GPC6: variants seen among roughly 807,000 people sequenced by gnomAD.
The protein encoded by GPC6 is glypican-6.
GPC6 carries 14 observed loss-of-function variants against 55.2 expected under a neutral mutation model. The observed-to-expected ratio is 0.25, with a 90% CI of 0.17 to 0.40. The LOEUF (loss-of-function observed/expected upper bound fraction) is 0.40. Among genes scored for constraint, GPC6 ranks in the 10% least tolerant of loss-of-function variants. GPC6 has a pLI of 1.00. For missense variants in GPC6, 641 were observed against 708.5 expected, an observed-to-expected ratio of 0.90 and a Z score of 1.08; for synonymous variants, 278 against 259.6, an observed-to-expected ratio of 1.07 and a Z score of -0.68.
chr13:94,250,652 A>AG lies in GPC6; in HGVS notation c.878-35697_878-35696insG, dbSNP rs1891320289. 2.0e-5 allele frequency among the ~76,000 whole-genome samples: 3 copies of AG among 152,158 alleles called. No homozygotes were observed. The East Asian group carries it at 5.8e-4, about 29-fold the overall frequency. ...CTACCAGTTTCCTGAAGGAGACTTG[A>AG]TTACAACTCCCCTGTGAGAAAAACA... On this transcript the variant is annotated intron_variant, in intron 4 of 8. Transcript: ENST00000377047.
At chr13:94,273,029 A>G (rs1318842195) in intron 4 of GPC6, among the ~76,000 whole-genome samples, 1 of 152,062 alleles carries the variant, frequency 6.6e-6, no homozygotes. Context: ...TTCCACATAA[A>G]CTTTGTGAGG....
intron 3 of GPC6, among the ~76,000 whole-genome samples, chr13:93,870,482 T>C (rs770944969): frequency 3.5e-4 from 53 of 151,844 alleles, no homozygotes; most frequent in Non-Finnish European, 3.7e-4. Context: ...AGTCCAATTG[T>C]TTTTCTAGTT....
intron 6 of GPC6, among the ~76,000 whole-genome samples, chr13:94,371,549 C>A (rs1441936676): frequency 1.3e-5 from 2 of 152,074 alleles, no homozygotes; most frequent in Non-Finnish European, 2.9e-5. Context: ...ATTTTAGCAC[C>A]GTCAGAGTTG....
chr13:93,821,783 G>GC (rs1209225258), intron 2 of GPC6, among the ~76,000 whole-genome samples: 1 of 151,914 alleles, frequency 6.6e-6, no homozygotes, highest in African/African-American at 2.4e-5. Flanking sequence ...CAAAGTCAGG[G>GC]CCCCCCTGTC....
intron 4 of GPC6, among the ~76,000 whole-genome samples, chr13:94,195,660 T>C (rs1889548928): frequency 1.3e-5 from 2 of 152,200 alleles, no homozygotes. Context: ...AATAAAGAAC[T>C]CAGTGCAATA....
At chr13:93,810,730 T>C (rs1202027808) in intron 2 of GPC6, among the ~76,000 whole-genome samples, 2 of 152,232 alleles carry the variant, frequency 1.3e-5, no homozygotes, top group Non-Finnish European at 2.9e-5. Flanking sequence ...TATTGTGGAA[T>C]ATTTTGCTCT....
At chr13:93,317,168 A>G (rs769159536) in intron 1 of GPC6, among the ~76,000 whole-genome samples, 1 of 152,090 alleles carries the variant, frequency 6.6e-6, no homozygotes, top group Non-Finnish European at 1.5e-5. Flanking sequence ...TCCTGCGTTC[A>G]GAAATCAAAT....
intron 4 of GPC6, among the ~76,000 whole-genome samples, chr13:94,082,849 G>A (rs1044403835): frequency 1.3e-4 from 20 of 152,310 alleles, no homozygotes; most frequent in African/African-American, 4.1e-4. Context: ...CGGACATGCA[G>A]TTTATCATCA....
intron 2 of GPC6, among the ~76,000 whole-genome samples, chr13:93,679,636 CACAA>C (rs559829525): frequency 4.6e-5 from 7 of 152,206 alleles, no homozygotes; most frequent in Admixed American, 1.3e-4. Context: ...ATGATTTCAT[CACAA>C]ACAGTGTATC....
intron 3 of GPC6, among the ~76,000 whole-genome samples, chr13:93,909,037 T>A (rs112396999): frequency 1.2e-4 from 19 of 152,330 alleles, no homozygotes; most frequent in African/African-American, 4.6e-4. Context: ...ATTTATTATC[T>A]TTCTGTCTTT....
At chr13:93,507,061 CAAAAAAAAAAAAAAAAAA>C (rs56368708) in intron 1 of GPC6, among the ~76,000 whole-genome samples, 1 of 52,126 alleles carries the variant, frequency 1.9e-5, no homozygotes, top group African/African-American at 8.2e-5. Context: ...GACTCCGTCT[CAAAAAAAAAAAAAAAAAA>C]AAAAAAAAAA....
At chr13:94,387,714 A>AAGAGG (rs1211324347) in intron 7 of GPC6, among the ~76,000 whole-genome samples, 2 of 145,448 alleles carry the variant, frequency 1.4e-5, no homozygotes, top group African/African-American at 2.5e-5. Flanking sequence ...CTACCCTTGT[A>AAGAGG]AGAGGAGACA....
At chr13:94,059,604 G>A (rs1434965594) in intron 4 of GPC6, among the ~76,000 whole-genome samples, 2 of 152,002 alleles carry the variant, frequency 1.3e-5, no homozygotes, top group Non-Finnish European at 2.9e-5. Context: ...CCATTTCTGG[G>A]TATCTTATAC....
intron 1 of GPC6, among the ~76,000 whole-genome samples, chr13:93,508,565 G>C (rs1197474750): frequency 6.6e-6 from 1 of 152,196 alleles, no homozygotes; most frequent in Non-Finnish European, 1.5e-5. Flanking sequence ...TTGAGTGAAG[G>C]ACAGACATGA....
At chr13:93,754,010 A>C (rs576931526) in intron 2 of GPC6, among the ~76,000 whole-genome samples, 2 of 152,254 alleles carry the variant, frequency 1.3e-5, no homozygotes, top group East Asian at 3.9e-4. Context: ...GTGGAGACTG[A>C]GTATGTGATA....
At chr13:93,984,254 G>A (rs1401733968) in intron 3 of GPC6, among the ~76,000 whole-genome samples, 1 of 152,008 alleles carries the variant, frequency 6.6e-6, no homozygotes, top group African/African-American at 2.4e-5. Context: ...GAGGAGGTGG[G>A]TGCTATTTTT....
At chr13:94,375,374 C>T (rs28829392) in intron 6 of GPC6, among the ~76,000 whole-genome samples, 27,469 of 151,936 alleles carry the variant, frequency 0.18, 2,622 homozygotes, top group South Asian at 0.29. Flanking sequence ...ATATCACCAC[C>T]GATCCCACAG....
chr13:93,340,039 T>TTTTTTTGAGACGGAGTC (rs1880193172), intron 1 of GPC6, among the ~76,000 whole-genome samples: 1 of 133,872 alleles, frequency 7.5e-6, no homozygotes, highest in Non-Finnish European at 1.6e-5. Flanking sequence ...TTTTTTTTTT[T>TTTTTTTGAGACGGAGTC]TTTTTTTTTT....
chr13:93,486,448 T>A (rs1281504049), intron 1 of GPC6, among the ~76,000 whole-genome samples: 1 of 152,220 alleles, frequency 6.6e-6, no homozygotes, highest in East Asian at 1.9e-4. Context: ...ATGAAGAATT[T>A]ATTTTCTAAC....
Sources: gnomAD v4.1 joint callset for allele counts (sites outside exome capture counted in the v4.1 genomes callset) on GRCh38, gnomAD v4.1.1 for gene constraint, MANE v1.5 for transcripts, NCBI Gene and HGNC (gene_info 2026-07-23, HGNC 2026-07-21) for gene names.